The following PARD3B variants were observed in gnomAD, a reference collection of about 807,000 sequenced individuals.
PARD3B encodes par-3 family cell polarity regulator beta, also known as partitioning defective 3 homolog B.
A neutral mutation model predicts 130.2 loss-of-function variants in PARD3B; 103 were observed. That is an observed-to-expected ratio of 0.79 (90% CI 0.67 to 0.93). The LOEUF (loss-of-function observed/expected upper bound fraction) is 0.93, where lower values mean the gene tolerates loss of function less well. PARD3B is among the 40% of genes least tolerant of loss of function. The pLI is 0.00. For synonymous variants in PARD3B, 583 were observed against 553.2 expected, an observed-to-expected ratio of 1.05 and a Z score of -0.76; for missense variants, 1,609 against 1,499.2, an observed-to-expected ratio of 1.07 and a Z score of -1.21.
chr2:205,368,353 C>A (rs1003650192), intron 18 of PARD3B, among the ~76,000 whole-genome samples: 2 of 152,064 alleles, frequency 1.3e-5, no homozygotes, highest in African/African-American at 4.8e-5. Flanking sequence ...GTAAAATAGG[C>A]CGGGTTTGGT....
Position 204,978,474 on chromosome 2 carries a change from G to A in PARD3B, c.394+13151G>A, listed in dbSNP as rs184183875. Reference sequence around the variant, plus strand: ...TGGGTGTTATTAATAAACACAATATGTCAGTAGGGCAGTAGTCATCTTTTT... The same window carrying A: ...TGGGTGTTATTAATAAACACAATATATCAGTAGGGCAGTAGTCATCTTTTT... On this transcript the variant is annotated intron_variant, in intron 3 of 22. Coordinates refer to ENST00000406610, the MANE Select transcript of PARD3B (RefSeq NM_001302769.2). Among the ~76,000 whole-genome samples the A allele has an allele frequency of 1.0e-3, 157 of 152,264 alleles. 1 individual carries two copies. The highest frequency in any genetic ancestry group is 3.4e-3 in the African/African-American group (143 of 41,552).
At chr2:205,549,144 G>A (rs958436520) in intron 21 of PARD3B, among the ~76,000 whole-genome samples, 2 of 152,136 alleles carry the variant, frequency 1.3e-5, no homozygotes, top group African/African-American at 2.4e-5. Context: ...AGTGGAACAC[G>A]GGGAACTCTC....
intron 21 of PARD3B, among the ~76,000 whole-genome samples, chr2:205,521,189 T>G: frequency 6.6e-6 from 1 of 152,016 alleles, no homozygotes; most frequent in African/African-American, 2.4e-5. Context: ...TTTGTATTTT[T>G]CCTAGTATTA....
chr2:204,794,453 G>A (rs927517551), intron 2 of PARD3B, among the ~76,000 whole-genome samples: 12 of 152,146 alleles, frequency 7.9e-5, no homozygotes, highest in African/African-American at 1.4e-4. Context: ...GGCTTTCAGG[G>A]CCAGGATGAG....
chr2:204,793,544 G>A (rs2042267548), intron 2 of PARD3B, among the ~76,000 whole-genome samples: 1 of 152,022 alleles, frequency 6.6e-6, no homozygotes, highest in African/African-American at 2.4e-5. Flanking sequence ...GTCTCACACT[G>A]TCACCCAGGC....
chr2:205,200,714 A>T (rs946667228), intron 15 of PARD3B, among the ~76,000 whole-genome samples: 2 of 152,246 alleles, frequency 1.3e-5, no homozygotes, highest in Non-Finnish European at 2.9e-5. Context: ...TACAGTGAAT[A>T]AATAATAAAA....
intron 18 of PARD3B, among the ~76,000 whole-genome samples, chr2:205,387,520 G>A (rs1279011982): frequency 6.6e-6 from 1 of 152,148 alleles, no homozygotes; most frequent in Non-Finnish European, 1.5e-5. Context: ...GTGAGCATGT[G>A]GAGCTCAGTA....
At chr2:205,250,822 G>A (rs574245068) in intron 16 of PARD3B, among the ~76,000 whole-genome samples, 1 of 152,186 alleles carries the variant, frequency 6.6e-6, no homozygotes, top group African/African-American at 2.4e-5. Context: ...CCAGCTACTT[G>A]GAAGCCTGAG....
intron 1 of PARD3B, among the ~76,000 whole-genome samples, chr2:204,551,839 G>A (rs1172027897): frequency 6.6e-6 from 1 of 152,168 alleles, no homozygotes; most frequent in African/African-American, 2.4e-5. Flanking sequence ...TTTATGAGTG[G>A]ACTGTTAAAG....
At chr2:204,990,732 T>C (rs990572968) in intron 3 of PARD3B, among the ~76,000 whole-genome samples, 1 of 152,202 alleles carries the variant, frequency 6.6e-6, no homozygotes, top group Non-Finnish European at 1.5e-5. Flanking sequence ...TTGTTGATTT[T>C]AATAGAGTCA....
intron 1 of PARD3B, among the ~76,000 whole-genome samples, chr2:204,665,317 T>C (rs1414007338): frequency 1.3e-5 from 2 of 152,158 alleles, no homozygotes; most frequent in Non-Finnish European, 2.9e-5. Flanking sequence ...TCAAGCTGTT[T>C]GGCTCCTGTT....
intron 22 of PARD3B, among the ~76,000 whole-genome samples, chr2:205,611,977 G>A (rs1214608384): frequency 3.3e-5 from 5 of 152,130 alleles, no homozygotes; most frequent in Admixed American, 6.6e-5. Flanking sequence ...ATCCGACACC[G>A]TGATGAGCAT....
intron 4 of PARD3B, among the ~76,000 whole-genome samples, chr2:205,067,323 G>C (rs1700457344): frequency 6.6e-6 from 1 of 151,500 alleles, no homozygotes; most frequent in African/African-American, 2.4e-5. Context: ...ACCATACCTG[G>C]CTAATTAAAA....
chr2:204,690,245 G>A (rs1054825411), intron 2 of PARD3B, among the ~76,000 whole-genome samples: 3 of 152,104 alleles, frequency 2.0e-5, no homozygotes, highest in African/African-American at 7.2e-5. Flanking sequence ...AAACAAGTTT[G>A]TATTACAGTA....
intron 2 of PARD3B, among the ~76,000 whole-genome samples, chr2:204,857,859 T>G (rs2045016184): frequency 6.6e-6 from 1 of 152,138 alleles, no homozygotes; most frequent in South Asian, 2.1e-4. Flanking sequence ...AATGTCAAGA[T>G]GACATAATTA....
rs142383179 is a variant in PARD3B at position 204,951,849 on chromosome 2, G to C, written c.223-13303G>C. 3.0e-3 allele frequency among the ~76,000 whole-genome samples: 459 copies of C among 152,256 alleles called. 1 individual carries two copies. The highest frequency in any genetic ancestry group is 4.4e-3 in the Non-Finnish European group (296 of 68,014). On this transcript the variant is annotated intron_variant, in intron 2 of 22. Transcript: ENST00000406610. Reference sequence around the variant, plus strand: ...AATGATGAAAAGAGGACTTTGGTGAGAGTCAAAGACGCATGCTCACAGACA... The same window carrying C: ...AATGATGAAAAGAGGACTTTGGTGACAGTCAAAGACGCATGCTCACAGACA...
rs746168276 is a variant in PARD3B at position 205,463,883 on chromosome 2, G to A, written c.3044+23211G>A. On this transcript the variant is annotated intron_variant, in intron 20 of 22. Transcript: ENST00000406610. The surrounding 1 kb of genome is among the most constrained non-coding windows in gnomAD (Gnocchi z 4.8). ...ACTTTGCTTTGGAGTAAAAGCAGCC[G>A]AGTAGGAAAATGGACTAGAAAAGTG... is the stretch of plus-strand genomic sequence containing the variant. Among the ~76,000 whole-genome samples, 2 of 152,120 alleles carry A rather than the reference G, an allele frequency of 1.3e-5. No homozygotes were observed. Among genetic ancestry groups the A allele is most frequent in the African/African-American group, 2.4e-5 (1 of 41,420 alleles).
At chr2:205,426,159 T>C (rs2047138762) in intron 19 of PARD3B, among the ~76,000 whole-genome samples, 2 of 152,034 alleles carry the variant, frequency 1.3e-5, no homozygotes, top group Non-Finnish European at 1.5e-5. Flanking sequence ...TGGTGAAAAA[T>C]ATTAATGCAG....
chr2:205,164,906 C>G (rs1267146651), intron 11 of PARD3B, among the ~76,000 whole-genome samples: 1 of 146,582 alleles, frequency 6.8e-6, no homozygotes, highest in Non-Finnish European at 1.5e-5. Context: ...AAAACTCTGA[C>G]CACAGTATGA....
Sources: gnomAD v4.1 joint callset for allele counts (sites outside exome capture counted in the v4.1 genomes callset) on GRCh38, gnomAD v4.1.1 for gene constraint, Gnocchi (gnomAD v3.1) non-coding constraint, MANE v1.5 for transcripts, NCBI Gene and HGNC (gene_info 2026-07-23, HGNC 2026-07-21) for gene names.